The following SLC25A48 variants were observed in gnomAD, a reference collection of about 807,000 sequenced individuals.
SLC25A48 encodes the protein solute carrier family 25 member 48.
SLC25A48 carries 29 observed loss-of-function variants against 32.2 expected under a neutral mutation model. The ratio of observed to expected loss-of-function variants is 0.90; its 90% CI spans 0.67 to 1.23. The LOEUF is 1.23. Among genes scored for constraint, SLC25A48 ranks in the 50% most tolerant of loss-of-function variants. The pLI is 0.00. For synonymous variants in SLC25A48, 164 were observed against 172.3 expected, an observed-to-expected ratio of 0.95 and a Z score of 0.38; for missense variants, 399 against 422.7, an observed-to-expected ratio of 0.94 and a Z score of 0.49.
chr5:135,782,970 C>G (rs191207380), intron 3 of SLC25A48, among the ~76,000 whole-genome samples: 3 of 102,846 alleles, frequency 2.9e-5, no homozygotes, highest in African/African-American at 7.9e-5. Context: ...GATATTGTTC[C>G]TAACATCCAG....
chr5:135,835,277 G>A (rs1483378247), intron 1 of SLC25A48: 1 of 454,650 alleles, frequency 2.2e-6, no homozygotes, highest in Non-Finnish European at 4.4e-6. Flanking sequence ...TATGAGGGTA[G>A]CGCTTGGCTG....
intron 3 of SLC25A48, among the ~76,000 whole-genome samples, chr5:135,808,867 A>G (rs1284272698): frequency 1.3e-5 from 2 of 152,150 alleles, no homozygotes; most frequent in Non-Finnish European, 2.9e-5. Flanking sequence ...AACAAAGACC[A>G]TTTGAGAGTT....
chr5:135,833,825 GGAA>G (rs1274898806), upstream of SLC25A48, among the ~76,000 whole-genome samples: 3 of 152,114 alleles, frequency 2.0e-5, no homozygotes, highest in Admixed American at 1.3e-4. Flanking sequence ...GTCTTGCTTT[GGAA>G]GAAGGAGGTC....
At chr5:135,650,504 C>T (rs1427250198) in intron 3 of SLC25A48, 1 of 452,312 alleles carries the variant, frequency 2.2e-6, no homozygotes, top group East Asian at 7.0e-5. Flanking sequence ...AGAAGGATGA[C>T]TCCAGGACAA....
At chr5:135,830,924 G>A (rs1161550295), upstream of SLC25A48, among the ~76,000 whole-genome samples, 7 of 152,286 alleles carry the variant, frequency 4.6e-5, no homozygotes, top group African/African-American at 7.2e-5. Flanking sequence ...AGGACTGAGC[G>A]GCATGGTGAG....
chr5:135,647,444 A>G (rs1334138174), intron 3 of SLC25A48, among the ~76,000 whole-genome samples: 1 of 152,126 alleles, frequency 6.6e-6, no homozygotes, highest in African/African-American at 2.4e-5. Context: ...GCACAACCAG[A>G]GCTTGGGGAT....
At chr5:135,737,568 A>G (rs1335245046) in intron 3 of SLC25A48, among the ~76,000 whole-genome samples, 1 of 152,182 alleles carries the variant, frequency 6.6e-6, no homozygotes, top group East Asian at 1.9e-4. Flanking sequence ...GATGGTTTAG[A>G]TTAAACTTTC....
chr5:135,840,891 G>A (rs888056848), intron 1 of SLC25A48, among the ~76,000 whole-genome samples: 2 of 152,268 alleles, frequency 1.3e-5, no homozygotes, highest in South Asian at 2.1e-4. Flanking sequence ...TGTGGTACTT[G>A]TACTTGTTTT....
rs548077958 is a variant in SLC25A48 at position 135,595,919 on chromosome 5, C to T, written c.-849+16322C>T. ...CCCCTAGCAGGCACGATCACAAGCA[C>T]GATGACTAAATGATCCTCTTGGTCC... On this transcript the variant is annotated intron_variant, in intron 1 of 10. Transcript: ENST00000646290. Among the ~76,000 whole-genome samples the T allele has an allele frequency of 1.1e-4, 16 of 152,284 alleles. No homozygotes were observed. In the South Asian group the frequency reaches 1.5e-3, roughly 14 times the overall value.
At chr5:135,751,212 C>G (rs988001883) in intron 3 of SLC25A48, among the ~76,000 whole-genome samples, 5 of 152,204 alleles carry the variant, frequency 3.3e-5, no homozygotes, top group Non-Finnish European at 2.9e-5. Context: ...CTTCCAGCAT[C>G]CCTCCTGCCT....
rs566487580 is a variant in SLC25A48, at chr5:135,779,532, G to A, written c.-520-32991G>A. 2.4e-3 allele frequency among the ~76,000 whole-genome samples: 137 copies of A among 58,286 alleles called. 38 individuals are homozygous for A. The South Asian group carries it at 0.086, about 37-fold the overall frequency. 38.2% of individuals were successfully genotyped at this position (58,286 alleles called of 152,430 possible). A position where few individuals can be genotyped will look rare whatever the true frequency, so the allele number is the denominator to read the frequency against. On this transcript the variant is annotated intron_variant, in intron 3 of 10. Coordinates refer to the SLC25A48 transcript ENST00000646290. ...TTGCAGGGGGTGTACATGCCCCCCT[G>A]TGATATTGTTTCTAACATTCAGGCG... is the stretch of plus-strand genomic sequence containing the variant.
At chr5:135,730,962 G>T (rs184347488) in intron 3 of SLC25A48, among the ~76,000 whole-genome samples, 24 of 152,310 alleles carry the variant, frequency 1.6e-4, no homozygotes, top group African/African-American at 5.8e-4. Context: ...CCCAACCAGG[G>T]CTCTTTCCAG....
chr5:135,883,473 T>C lies in SLC25A48; in HGVS notation c.*7+3376T>C, dbSNP rs113548248. ...CTCTTCACATTGTTTCTCTGTCAGA[T>C]GCCTCTGCCTAGCTTCCAAGAGGCA... On this transcript the variant is annotated intron_variant, in intron 7 of 7. Coordinates refer to ENST00000681962, the MANE Select transcript of SLC25A48 (RefSeq NM_001349336.2). 5.1e-4 allele frequency: 506 copies of C among 985,506 alleles called. 1 individual carries two copies. The African/African-American group carries it at 8.3e-3, about 16-fold the overall frequency. The allele number at this position is 985,506 out of a possible 1,614,324, so 61.0% of individuals were successfully genotyped here.
At chr5:135,653,705 C>T (rs1284081826) in intron 3 of SLC25A48, 2 of 420,994 alleles carry the variant, frequency 4.8e-6, no homozygotes, top group African/African-American at 4.0e-5. Context: ...ACAGACCAAT[C>T]TCCACTCCCC....
intron 3 of SLC25A48, among the ~76,000 whole-genome samples, chr5:135,810,032 C>T (rs1243618087): frequency 6.6e-6 from 1 of 152,022 alleles, no homozygotes; most frequent in Admixed American, 6.6e-5. Flanking sequence ...GAGATGGGGT[C>T]TCAATACATT....
chr5:135,707,792 G>A (rs1754556291), intron 3 of SLC25A48, among the ~76,000 whole-genome samples: 2 of 152,218 alleles, frequency 1.3e-5, no homozygotes, highest in African/African-American at 4.8e-5. Flanking sequence ...TTGTTCATGT[G>A]TTGATTGTCT....
chr5:135,725,804 A>T (rs1014462000), intron 3 of SLC25A48, among the ~76,000 whole-genome samples: 1 of 152,184 alleles, frequency 6.6e-6, no homozygotes, highest in Non-Finnish European at 1.5e-5. Context: ...GAGGCAGTTA[A>T]CAGATCAAAA....
chr5:135,758,233 T>A (rs1266296924), intron 3 of SLC25A48, among the ~76,000 whole-genome samples: 2 of 151,008 alleles, frequency 1.3e-5, no homozygotes, highest in East Asian at 4.0e-4. Flanking sequence ...AATATCTCTA[T>A]GATATTTATA....
intron 4 of SLC25A48, among the ~76,000 whole-genome samples, chr5:135,823,322 G>A (rs1479014069): frequency 6.6e-6 from 1 of 152,198 alleles, no homozygotes; most frequent in East Asian, 1.9e-4. Flanking sequence ...ATGTGGGAAT[G>A]AGCTGGCTTT....
Sources: gnomAD v4.1 joint callset for allele counts (sites outside exome capture counted in the v4.1 genomes callset) on GRCh38, gnomAD v4.1.1 for gene constraint, MANE v1.5 for transcripts, NCBI Gene and HGNC (gene_info 2026-07-23, HGNC 2026-07-21) for gene names.